The following NELL1 variants were observed in gnomAD, a reference collection of about 807,000 sequenced individuals.
The protein encoded by NELL1 is protein kinase C-binding protein NELL1.
In NELL1, 76 loss-of-function variants were observed where a neutral mutation model predicts 107.4. That is an observed-to-expected ratio of 0.71 (90% CI 0.59 to 0.86). The LOEUF is 0.86. Among genes scored for constraint, NELL1 ranks in the 40% least tolerant of loss-of-function variants. The pLI is 0.00. For synonymous variants in NELL1, 353 were observed against 341.2 expected (o/e 1.03, Z -0.38); for missense variants, 1,024 against 1,005.5 (o/e 1.02, Z -0.25).
At chr11:21,073,944 T>G (rs562918887) in intron 12 of NELL1, among the ~76,000 whole-genome samples, 1 of 152,278 alleles carries the variant, frequency 6.6e-6, no homozygotes, top group East Asian at 1.9e-4. Flanking sequence ...AAAAAAGATT[T>G]AAGCTAAAGA....
chr11:20,797,409 A>C (rs1259189316), intron 3 of NELL1, among the ~76,000 whole-genome samples: 3 of 151,502 alleles, frequency 2.0e-5, no homozygotes, highest in Admixed American at 1.3e-4. Context: ...CTAAAAATAC[A>C]AAAAAAATTA....
At chr11:21,128,301 CT>C (rs1261840457) in intron 13 of NELL1, among the ~76,000 whole-genome samples, 1 of 152,122 alleles carries the variant, frequency 6.6e-6, no homozygotes, top group Admixed American at 6.6e-5. Flanking sequence ...TATTTTCTTA[CT>C]GAATTATTTG....
At chr11:20,754,135 A>G (rs1856205880) in intron 2 of NELL1, among the ~76,000 whole-genome samples, 1 of 152,110 alleles carries the variant, frequency 6.6e-6, no homozygotes, top group Non-Finnish European at 1.5e-5. Context: ...GAGGAAAATC[A>G]CTGTGTAGCT....
chr11:21,048,315 T>C (rs916185517), intron 12 of NELL1, among the ~76,000 whole-genome samples: 8 of 152,286 alleles, frequency 5.3e-5, no homozygotes, highest in Non-Finnish European at 7.4e-5. Context: ...GGTCAATCTA[T>C]GGTCATGTTT....
chr11:21,411,010 A>G (rs1048846575), intron 15 of NELL1, among the ~76,000 whole-genome samples: 1 of 152,040 alleles, frequency 6.6e-6, no homozygotes, highest in Non-Finnish European at 1.5e-5. Flanking sequence ...ACCAGATGTG[A>G]TAGAAGTAGC....
chr11:20,684,445 G>C (rs1052003242), intron 2 of NELL1, among the ~76,000 whole-genome samples: 1 of 151,842 alleles, frequency 6.6e-6, no homozygotes, highest in African/African-American at 2.4e-5. Flanking sequence ...AACTCTGTAA[G>C]TTCAGTTTGA....
intron 4 of NELL1, among the ~76,000 whole-genome samples, chr11:20,871,206 T>C (rs1334790797): frequency 6.6e-6 from 1 of 152,220 alleles, no homozygotes; most frequent in Non-Finnish European, 1.5e-5. Context: ...CTGCTAGTAC[T>C]TCCCTTTGAC....
chr11:21,520,688 A>G (rs1855702396), intron 15 of NELL1, among the ~76,000 whole-genome samples: 1 of 152,100 alleles, frequency 6.6e-6, no homozygotes. Flanking sequence ...CTTACAACAG[A>G]GGGCCCAGTG....
chr11:20,832,368 T>C (rs1210688527), intron 3 of NELL1, among the ~76,000 whole-genome samples: 1 of 152,228 alleles, frequency 6.6e-6, no homozygotes, highest in South Asian at 2.1e-4. Context: ...GCGGTACTTA[T>C]CCGTTTTCAA....
rs538885840 is a variant in NELL1, at chr11:21,185,649, G to A, written c.1427-43683G>A. 5.3e-5 allele frequency among the ~76,000 whole-genome samples: 8 copies of A among 151,590 alleles called. No individual in the cohort carries two copies. The South Asian group carries it at 6.2e-4, about 12-fold the overall frequency. On this transcript the variant is annotated intron_variant, in intron 13 of 19. Transcript: ENST00000357134. ...AAGCTAGTTAACCTTCCTAAGCCTC[G>A]GTTTTAGTTTTCAAAATTGAGATCC...
At chr11:20,855,748 ACT>A (rs1235294182) in intron 4 of NELL1, among the ~76,000 whole-genome samples, 2 of 152,094 alleles carry the variant, frequency 1.3e-5, no homozygotes, top group African/African-American at 4.8e-5. Flanking sequence ...ACCTGGTGAA[ACT>A]CTGTTTGAAA....
chr11:21,084,889 C>T (rs1854352939), intron 12 of NELL1, among the ~76,000 whole-genome samples: 2 of 152,092 alleles, frequency 1.3e-5, no homozygotes, highest in South Asian at 2.1e-4. Flanking sequence ...GCACATCCTC[C>T]AGAATTAGAC....
intron 13 of NELL1, among the ~76,000 whole-genome samples, chr11:21,163,680 T>G (rs1274629318): frequency 6.6e-6 from 1 of 152,166 alleles, no homozygotes. Flanking sequence ...ATGATAAAGC[T>G]GCCAGCAGAT....
intron 15 of NELL1, among the ~76,000 whole-genome samples, chr11:21,399,664 G>C (rs946131557): frequency 2.0e-5 from 3 of 151,770 alleles, no homozygotes; most frequent in Non-Finnish European, 4.4e-5. Flanking sequence ...CTAAAACAAA[G>C]AGAGACTAAG....
rs1337491294 is a variant in NELL1, at chr11:20,755,559, T to TTTTTTTTTTTATTTA, written c.185-28119_185-28118insTTTTTTTTATTTATT. Among the ~76,000 whole-genome samples, 5 of 17,684 alleles carry TTTTTTTTTTTATTTA rather than the reference T, an allele frequency of 2.8e-4. No homozygotes were observed. The East Asian group carries it at 4.8e-3, about 17-fold the overall frequency. 11.6% of individuals were successfully genotyped at this position (17,684 alleles called of 152,430 possible). On this transcript the variant is annotated intron_variant, in intron 2 of 19. Coordinates refer to ENST00000357134, the MANE Select transcript of NELL1 (RefSeq NM_006157.5). ...GTTTTTGTTTTTTTTTGTTTTTGTT[T>TTTTTTTTTTTATTTA]TTGTTTTTTTTTTTTTGAGACAGAA...
At position 21,328,802 on chromosome 11, in the gene NELL1, G is replaced by A. The variant is rs569831279; in HGVS notation, c.1550-42051G>A. Among the ~76,000 whole-genome samples, 3 of 152,122 alleles carry A rather than the reference G, an allele frequency of 2.0e-5. No homozygotes were observed. In the South Asian group the frequency reaches 6.2e-4, roughly 31 times the overall value. On this transcript the variant is annotated intron_variant, in intron 14 of 19. Transcript: ENST00000357134. ...AAAAGACATCATTTTGAAACTTTAA[G>A]GTTTAATGACTGCCCTATTGGATTT...
intron 15 of NELL1, among the ~76,000 whole-genome samples, chr11:21,385,510 T>C (rs978000590): frequency 2.0e-5 from 3 of 151,854 alleles, no homozygotes; most frequent in Non-Finnish European, 4.4e-5. Flanking sequence ...AATCAATCAC[T>C]ACAGTGCATC....
chr11:20,699,550 G>C (rs1324883641), intron 2 of NELL1, among the ~76,000 whole-genome samples: 1 of 152,018 alleles, frequency 6.6e-6, no homozygotes, highest in Non-Finnish European at 1.5e-5. Context: ...AGTAGAGATG[G>C]AGTTTCACCA....
At chr11:21,274,076 C>T (rs2133938285) in intron 14 of NELL1, among the ~76,000 whole-genome samples, 1 of 152,232 alleles carries the variant, frequency 6.6e-6, no homozygotes, top group East Asian at 1.9e-4. Flanking sequence ...TGTAAATGGA[C>T]TAAATGCTCC....
Sources: gnomAD v4.1 joint callset for allele counts (sites outside exome capture counted in the v4.1 genomes callset) on GRCh38, gnomAD v4.1.1 for gene constraint, MANE v1.5 for transcripts, NCBI Gene and HGNC (gene_info 2026-07-23, HGNC 2026-07-21) for gene names.